The following MOCOS variants were observed in gnomAD, a reference collection of about 807,000 sequenced individuals.
MOCOS encodes the protein molybdenum cofactor sulfurase, also known as human molybdenum cofactor sulfurase.
A neutral mutation model predicts 83.6 loss-of-function variants in MOCOS; 86 were observed. The ratio of observed to expected loss-of-function variants is 1.03; its 90% CI spans 0.86 to 1.23. MOCOS has a LOEUF of 1.23. Ranked by LOEUF, MOCOS falls within the 50% of genes most tolerant of loss-of-function variation. MOCOS has a pLI of 0.00. For synonymous variants in MOCOS, 445 were observed against 434.7 expected, an observed-to-expected ratio of 1.02 and a Z score of -0.29; for missense variants, 1,120 against 1,126.9, an observed-to-expected ratio of 0.99 and a Z score of 0.09.
chr18:36,226,088 C>T (rs1165220459), intron 9 of MOCOS, among the ~76,000 whole-genome samples: 1 of 151,986 alleles, frequency 6.6e-6, no homozygotes, highest in East Asian at 1.9e-4. Context: ...GATTCAAGTC[C>T]TCCCTTGATC....
At chr18:36,198,645 G>A (rs767818289) in intron 2 of MOCOS, 45 bp from the exon 3 acceptor site, 1 of 1,593,008 alleles carries the variant, frequency 6.3e-7, no homozygotes, top group Non-Finnish European at 8.6e-7. Context: ...CAAAAGAAGC[G>A]ACCCTAAGTA....
In MOCOS at chr18:36,269,878, C is replaced by G. The variant is rs1264283661; in HGVS notation, c.*1193C>G. 4 of 152,252 alleles carry G rather than the reference C, an allele frequency of 2.6e-5. No homozygotes were observed. The highest frequency in any genetic ancestry group is 9.6e-5 in the African/African-American group (4 of 41,458). The allele number at this position is 152,252 out of a possible 1,614,324, so 9.4% of individuals were successfully genotyped here. A position where few individuals can be genotyped will look rare whatever the true frequency, so the allele number is the denominator to read the frequency against. ...TCTCTCCTGCTGCTCAGTTGGAGAGCAGGCTCCAGGCTCAGGCTTCCCTAA... is the reference window on the plus strand; with the variant it reads ...TCTCTCCTGCTGCTCAGTTGGAGAGGAGGCTCCAGGCTCAGGCTTCCCTAA... On this transcript the variant is annotated 3_prime_UTR_variant, in exon 15 of 15. Transcript: ENST00000261326.
In MOCOS at chr18:36,257,091, G is replaced by A. The variant is rs368621821; in HGVS notation, c.2270+18G>A. ...AACACCAGGTAAGACCTCATACCTC[G>A]GGACTAGCAGACAAGCATAACCATT... is the stretch of plus-strand genomic sequence containing the variant. On this transcript the variant is annotated intron_variant, in intron 12 of 14. Coordinates refer to ENST00000261326, the MANE Select transcript of MOCOS (RefSeq NM_017947.4). 522 of 1,595,746 alleles carry A rather than the reference G, an allele frequency of 3.3e-4. No homozygotes were observed. Among genetic ancestry groups the A allele is most frequent in the Middle Eastern group, 1.8e-3 (11 of 6,050 alleles).
intron 4 of MOCOS, among the ~76,000 whole-genome samples, chr18:36,201,411 C>A (rs1010748754): frequency 1.3e-5 from 2 of 152,000 alleles, no homozygotes; most frequent in Admixed American, 1.3e-4. Flanking sequence ...CACCTGTAAT[C>A]CCAGCACTTT....
chr18:36,215,270 A>G (rs2091471319), intron 7 of MOCOS, among the ~76,000 whole-genome samples: 1 of 152,132 alleles, frequency 6.6e-6, no homozygotes, highest in African/African-American at 2.4e-5. Context: ...TATTTCTATT[A>G]AACTTTTAAT....
In MOCOS at chr18:36,187,688, C is replaced by A; in HGVS notation, c.142+7C>A. ...GAGTTCAGCCGCCTGGCAGGTGAGG[C>A]GGGCGGGCAGGCTTGGGGGACACGA... is the stretch of plus-strand genomic sequence containing the variant. On this transcript the variant is annotated splice_region_variant and intron_variant, in intron 1 of 14. Transcript: ENST00000261326. The A allele has an allele frequency of 7.9e-7, 1 of 1,265,154 alleles. No individual in the cohort carries two copies. The highest frequency in any genetic ancestry group is 9.9e-7 in the Non-Finnish European group (1 of 1,005,524). 78.4% of individuals were successfully genotyped at this position (1,265,154 alleles called of 1,614,324 possible). A position where few individuals can be genotyped will look rare whatever the true frequency, so the allele number is the denominator to read the frequency against.
intron 12 of MOCOS, among the ~76,000 whole-genome samples, chr18:36,257,867 A>G (rs2091648747): frequency 6.6e-6 from 1 of 152,180 alleles, no homozygotes; most frequent in African/African-American, 2.4e-5. Flanking sequence ...ACATATTTGC[A>G]AAGACATACA....
At chr18:36,256,844 G>T in intron 11 of MOCOS, 124 bp from the exon 12 acceptor site, 1 of 841,928 alleles carries the variant, frequency 1.2e-6, no homozygotes. Flanking sequence ...TTATTGCCAG[G>T]ACATCACTTT....
Position 36,271,524 on chromosome 18 carries a change from CT to C in MOCOS, c.*2841del, listed in dbSNP as rs1411150116. Reference sequence around the variant, plus strand: ...ATGATTTTATGTCCCCTCCTTGGTTCTTATCTCCTGGAGTTCAGCCTTATGT... The same window carrying C: ...ATGATTTTATGTCCCCTCCTTGGTTCTATCTCCTGGAGTTCAGCCTTATGT... On this transcript the variant is annotated 3_prime_UTR_variant, in exon 15 of 15. Coordinates refer to ENST00000261326, the MANE Select transcript of MOCOS (RefSeq NM_017947.4). The C allele has an allele frequency of 6.6e-6, 1 of 151,986 alleles. No individual in the cohort carries two copies. The highest frequency in any genetic ancestry group is 1.5e-5 in the Non-Finnish European group (1 of 68,004). 9.4% of individuals were successfully genotyped at this position (151,986 alleles called of 1,614,324 possible). A position where few individuals can be genotyped will look rare whatever the true frequency, so the allele number is the denominator to read the frequency against.
At chr18:36,241,323 A>T (rs1202657629) in intron 9 of MOCOS, among the ~76,000 whole-genome samples, 1 of 152,162 alleles carries the variant, frequency 6.6e-6, no homozygotes, top group Non-Finnish European at 1.5e-5. Flanking sequence ...GGGTAAATAT[A>T]CCCATTTTAA....
intron 9 of MOCOS, among the ~76,000 whole-genome samples, chr18:36,224,556 CCT>C (rs1421271907): frequency 6.6e-6 from 1 of 152,042 alleles, no homozygotes; most frequent in African/African-American, 2.4e-5. Flanking sequence ...GTAATTTTCT[CCT>C]CTATTCTGTT....
chr18:36,233,495 C>G (rs1024354766), intron 9 of MOCOS, among the ~76,000 whole-genome samples: 10 of 152,180 alleles, frequency 6.6e-5, no homozygotes, highest in Non-Finnish European at 1.2e-4. Flanking sequence ...CTGCTATAAA[C>G]ATATGTGCAC....
chr18:36,205,016 A>AAAAAAAGG, intron 5 of MOCOS, 61 bp from the exon 6 acceptor site: 1 of 1,242,584 alleles, frequency 8.0e-7, no homozygotes, highest in Admixed American at 2.1e-5. Flanking sequence ...AAAAAAAAAA[A>AAAAAAAGG]GAGTGAATTG....
At chr18:36,198,166 T>C (rs971443922) in intron 2 of MOCOS, among the ~76,000 whole-genome samples, 2 of 152,154 alleles carry the variant, frequency 1.3e-5, no homozygotes, top group African/African-American at 4.8e-5. Flanking sequence ...GGCAGGAAGA[T>C]TGCTTGAACC....
chr18:36,210,297 A>G (rs1009910183), intron 6 of MOCOS, among the ~76,000 whole-genome samples: 2 of 152,042 alleles, frequency 1.3e-5, no homozygotes, highest in African/African-American at 4.8e-5. Context: ...CTTCTGGGGG[A>G]GATGTCGGTC....
At position 36,248,044 on chromosome 18, in the gene MOCOS, G is replaced by A. The variant is rs565676147; in HGVS notation, c.1961-878G>A. ...AACCTCAGTAGTGTTTTCCATGATG[G>A]CTGTACTAATTCACATTCCTACCAA... On this transcript the variant is annotated intron_variant, in intron 9 of 14. Coordinates refer to ENST00000261326, the MANE Select transcript of MOCOS (RefSeq NM_017947.4). Among the ~76,000 whole-genome samples, 3 of 152,028 alleles carry A rather than the reference G, an allele frequency of 2.0e-5. No individual in the cohort carries two copies. In the South Asian group the frequency reaches 6.3e-4, roughly 32 times the overall value.
chr18:36,260,945 C>A (rs1328132674), intron 13 of MOCOS, among the ~76,000 whole-genome samples: 1 of 151,882 alleles, frequency 6.6e-6, no homozygotes, highest in Non-Finnish European at 1.5e-5. Context: ...TCAGATGTCA[C>A]CTTCTTGGAA....
At chr18:36,207,193 C>T (rs553382395) in intron 6 of MOCOS, among the ~76,000 whole-genome samples, 23 of 152,186 alleles carry the variant, frequency 1.5e-4, no homozygotes, top group African/African-American at 5.1e-4. Context: ...TGCACCACTA[C>T]GCCCGGTTAA....
intron 9 of MOCOS, 132 bp from the exon 10 acceptor site, chr18:36,248,790 C>T (rs2091611816): frequency 4.0e-6 from 3 of 742,974 alleles, no homozygotes; most frequent in Middle Eastern, 3.4e-4. Flanking sequence ...TATCCTGTCA[C>T]ATTGGTCTAT....
Sources: gnomAD v4.1 joint callset for allele counts (sites outside exome capture counted in the v4.1 genomes callset) on GRCh38, gnomAD v4.1.1 for gene constraint, MANE v1.5 for transcripts, NCBI Gene and HGNC (gene_info 2026-07-23, HGNC 2026-07-21) for gene names.